SLC16A14: variants seen among roughly 807,000 people sequenced by gnomAD.
SLC16A14 encodes the protein solute carrier family 16 member 14.
In SLC16A14, 14 loss-of-function variants were observed where a neutral mutation model predicts 35.8. The observed-to-expected ratio is 0.39, with a 90% CI of 0.26 to 0.61. The LOEUF is 0.61. Among genes scored for constraint, SLC16A14 ranks in the 20% least tolerant of loss-of-function variants. The probability of loss-of-function intolerance (pLI) is 0.51; values close to 1 mark genes in which losing one functional copy is unlikely to be tolerated. For missense variants in SLC16A14, 533 were observed against 655.0 expected (o/e 0.81, Z 2.03); for synonymous variants, 248 against 258.9 (o/e 0.96, Z 0.40).
chr2:230,067,426 A>G (rs1247828158), intron 1 of SLC16A14, among the ~76,000 whole-genome samples: 1 of 152,204 alleles, frequency 6.6e-6, no homozygotes, highest in Non-Finnish European at 1.5e-5. Context: ...AATGAAGCTT[A>G]GAAAGGTTAA....
At chr2:230,067,142 G>T (rs1309085517) in intron 1 of SLC16A14, 1 of 158,224 alleles carries the variant, frequency 6.3e-6, no homozygotes, top group East Asian at 1.9e-4. Context: ...TTCACCTGGT[G>T]TGTACAGGGC....
intron 2 of SLC16A14, among the ~76,000 whole-genome samples, chr2:230,055,738 T>C (rs1577395793): frequency 6.6e-6 from 1 of 152,212 alleles, no homozygotes; most frequent in South Asian, 2.1e-4. Flanking sequence ...TATTGGATGG[T>C]TTGGAAAATA....
intron 4 of SLC16A14, 79 bp from the exon 5 acceptor site, chr2:230,037,610 G>T: frequency 8.6e-7 from 1 of 1,156,732 alleles, no homozygotes; most frequent in South Asian, 1.7e-5. Flanking sequence ...GGCATTTATT[G>T]CTGCTGTACA....
intron 2 of SLC16A14, among the ~76,000 whole-genome samples, chr2:230,050,931 T>G (rs968499198): frequency 1.3e-5 from 2 of 152,168 alleles, no homozygotes; most frequent in African/African-American, 4.8e-5. Flanking sequence ...AATAGCCTGT[T>G]TTCATGAGGA....
At chr2:230,059,592 G>T (rs1229834256) in intron 1 of SLC16A14, among the ~76,000 whole-genome samples, 1 of 152,040 alleles carries the variant, frequency 6.6e-6, no homozygotes, top group African/African-American at 2.4e-5. Context: ...ACATATATAG[G>T]TATTACAATC....
chr2:230,050,548 A>G (rs2077651865), intron 2 of SLC16A14, among the ~76,000 whole-genome samples: 1 of 152,232 alleles, frequency 6.6e-6, no homozygotes, highest in South Asian at 2.1e-4. Flanking sequence ...CCTTCAATCA[A>G]TGGTTTTTAA....
intron 2 of SLC16A14, among the ~76,000 whole-genome samples, chr2:230,054,647 C>T (rs1260268690): frequency 6.6e-6 from 1 of 152,166 alleles, no homozygotes; most frequent in African/African-American, 2.4e-5. Flanking sequence ...CTTCTGGGCA[C>T]CTCCCTACCC....
chr2:230,050,080 T>C (rs2077646741), intron 2 of SLC16A14, among the ~76,000 whole-genome samples, 176 bp from the exon 3 acceptor site: 1 of 152,230 alleles, frequency 6.6e-6, no homozygotes, highest in Non-Finnish European at 1.5e-5. Context: ...TTTTAAGTAA[T>C]TTCATCAGAG....
chr2:230,043,920 G>T (rs768503756), intron 4 of SLC16A14, among the ~76,000 whole-genome samples: 9 of 152,232 alleles, frequency 5.9e-5, no homozygotes, highest in African/African-American at 2.2e-4. Context: ...AAGTTCTCTG[G>T]TTAATTTGCT....
intron 1 of SLC16A14, among the ~76,000 whole-genome samples, chr2:230,063,349 T>A (rs555410507): frequency 1.3e-5 from 2 of 150,366 alleles, no homozygotes; most frequent in East Asian, 3.9e-4. Flanking sequence ...ATCATTAGGA[T>A]GGAGTCCCTT....
At chr2:230,037,561 T>A (rs778293107) in intron 4 of SLC16A14, 30 bp from the exon 5 acceptor site, 1 of 1,540,474 alleles carries the variant, frequency 6.5e-7, no homozygotes, top group South Asian at 1.3e-5. Flanking sequence ...ATATTCAGTG[T>A]CATGGAGTTG....
chr2:230,066,632 C>G (rs1388084321), intron 1 of SLC16A14: 2 of 412,392 alleles, frequency 4.8e-6, no homozygotes, highest in Non-Finnish European at 9.3e-6. Context: ...GTTTTACAAG[C>G]AAGTCATTTT....
chr2:230,039,196 C>T (rs2106239957), intron 4 of SLC16A14, among the ~76,000 whole-genome samples: 1 of 151,046 alleles, frequency 6.6e-6, no homozygotes, highest in Middle Eastern at 3.4e-3. Context: ...TAAAGAAAAA[C>T]AAACAATAGC....
intron 4 of SLC16A14, among the ~76,000 whole-genome samples, chr2:230,043,868 AAG>A (rs1168677691): frequency 6.6e-6 from 1 of 152,206 alleles, no homozygotes; most frequent in Non-Finnish European, 1.5e-5. Flanking sequence ...GCCCAGACAC[AAG>A]ATTCCTTGGT....
At chr2:230,058,965 A>C in intron 2 of SLC16A14, 129 bp downstream of exon 2, 1 of 1,460,238 alleles carries the variant, frequency 6.8e-7, no homozygotes, top group South Asian at 1.5e-5. Flanking sequence ...TGCATATTTT[A>C]TCACAATTGA....
At chr2:230,052,930 TTCTC>T (rs71896649) in intron 2 of SLC16A14, among the ~76,000 whole-genome samples, 26,220 of 151,304 alleles carry the variant, frequency 0.17, 2,321 homozygotes, top group Middle Eastern at 0.23. Context: ...TTCCCTTTCT[TTCTC>T]TCTCTCTTTC....
chr2:230,057,587 G>A (rs1307713639), intron 2 of SLC16A14, among the ~76,000 whole-genome samples: 2 of 151,992 alleles, frequency 1.3e-5, no homozygotes, highest in African/African-American at 4.8e-5. Flanking sequence ...TGGGCAACAT[G>A]GAGAAACCCC....
At chr2:230,067,038 A>G (rs890105954) in intron 1 of SLC16A14, 5 of 174,698 alleles carry the variant, frequency 2.9e-5, no homozygotes, top group African/African-American at 7.2e-5. Flanking sequence ...GTCTTCCCCA[A>G]AGCTACGCAG....
In SLC16A14 at chr2:230,046,261, G is replaced by C; in HGVS notation, c.865C>G (p.Leu289Val). Residue 289 changes from leucine (L) to valine (V), a missense_variant, in exon 4 of 5, where the codon CTC becomes GTC. By Grantham distance (32) the Leu-to-Val change is conservative. Transcript: ENST00000295190. This position sits in a 1 kb window ranked among gnomAD's most constrained non-coding sequence, Gnocchi z 5.0. The stretch of plus-strand genomic sequence containing the variant: ...AAGCCCTTCCTGACTCTCATGGTGA[G>C]CCAGCTGACAGTCTTCAGAATCCGG... ...ALRILKTVSW[L>V]TMRVRKGFED... The C allele has an allele frequency of 6.2e-7, 1 of 1,614,190 alleles. No individual in the cohort carries two copies. The highest frequency in any genetic ancestry group is 1.6e-4 in the Middle Eastern group (1 of 6,062).
Sources: allele counts gnomAD v4.1 joint callset (sites outside exome capture counted in the v4.1 genomes callset), GRCh38; gene constraint gnomAD v4.1.1; non-coding constraint Gnocchi (gnomAD v3.1); transcripts MANE v1.5; gene names NCBI Gene and HGNC (gene_info 2026-07-23, HGNC 2026-07-21).